Variants in CUX1 observed in about 807,000 individuals in gnomAD.
CUX1 encodes the protein protein CASP.
CUX1 carries 31 observed loss-of-function variants against 158.8 expected under a neutral mutation model. The observed-to-expected ratio is 0.20, with a 90% confidence interval of 0.15 to 0.26. CUX1 has a LOEUF of 0.26. CUX1 is among the 10% of genes least tolerant of loss of function. CUX1 has a pLI of 1.00. For synonymous variants in CUX1, 879 were observed against 862.1 expected, an observed-to-expected ratio of 1.02 and a Z score of -0.34; for missense variants, 1,589 against 2,014.6, an observed-to-expected ratio of 0.79 and a Z score of 4.04.
chr7:102,072,888 A>T (rs1826281119), intron 4 of CUX1, among the ~76,000 whole-genome samples: 1 of 152,164 alleles, frequency 6.6e-6, no homozygotes, highest in South Asian at 2.1e-4. Context: ...AAAAAGCATG[A>T]CCTGGGCTTT....
chr7:101,887,427 C>T (rs1800342697), intron 1 of CUX1, among the ~76,000 whole-genome samples: 1 of 152,066 alleles, frequency 6.6e-6, no homozygotes, highest in African/African-American at 2.4e-5. Context: ...CTACCTCAGC[C>T]TCCTGAGTAG....
At chr7:102,130,479 G>A (rs916511300) in intron 8 of CUX1, among the ~76,000 whole-genome samples, 27 of 151,832 alleles carry the variant, frequency 1.8e-4, no homozygotes, top group Admixed American at 1.0e-3. Flanking sequence ...TCAGGAGTTC[G>A]AGACCAGTCT....
intron 2 of CUX1, among the ~76,000 whole-genome samples, chr7:101,950,982 C>T (rs1231940146): frequency 6.6e-6 from 1 of 152,146 alleles, no homozygotes; most frequent in Admixed American, 6.6e-5. Flanking sequence ...TGTATATCTG[C>T]CCCCTGGAGG....
chr7:101,896,108 A>G (rs1801490351), intron 1 of CUX1, among the ~76,000 whole-genome samples: 1 of 151,858 alleles, frequency 6.6e-6, no homozygotes, highest in Admixed American at 6.6e-5. Flanking sequence ...TATGTTGCCC[A>G]GGCTGTTCTC....
intron 1 of CUX1, among the ~76,000 whole-genome samples, chr7:101,850,547 A>G (rs1319401611): frequency 6.7e-6 from 1 of 150,372 alleles, no homozygotes; most frequent in African/African-American, 2.5e-5. Flanking sequence ...TGCCCGGCTA[A>G]TTGTTGTATT....
intron 1 of CUX1, among the ~76,000 whole-genome samples, chr7:101,886,282 C>G (rs1225972049): frequency 1.3e-5 from 2 of 152,146 alleles, no homozygotes; most frequent in Non-Finnish European, 2.9e-5. Context: ...CAACCTCTGT[C>G]TCCTGGGCTC....
At chr7:102,112,105 A>AT in intron 7 of CUX1, 2 of 167,500 alleles carry the variant, frequency 1.2e-5, no homozygotes, top group Non-Finnish European at 2.5e-5. Context: ...GAACAATAAT[A>AT]GAAAAAAAAA....
At chr7:102,139,244 TAAAAAAAAAAAA>T (rs11459794) in intron 8 of CUX1, among the ~76,000 whole-genome samples, 1 of 93,172 alleles carries the variant, frequency 1.1e-5, no homozygotes, top group Non-Finnish European at 2.0e-5. Flanking sequence ...GACTACATCT[TAAAAAAAAAAAA>T]AAAAAAAAAA....
intron 1 of CUX1, among the ~76,000 whole-genome samples, chr7:101,825,794 TGTGTGCGCGC>T (rs1489669817): frequency 0.014 from 1,294 of 95,290 alleles, 14 homozygotes; most frequent in African/African-American, 0.051. Flanking sequence ...TGTGTGTGTG[TGTGTGCGCGC>T]GCGCGCGCAG....
At position 102,067,229 on chromosome 7, in the gene CUX1, C is replaced by T. The variant is rs1434038410; in HGVS notation, c.190-3110C>T. On this transcript the variant is annotated intron_variant, in intron 3 of 23. Coordinates refer to ENST00000292535, the MANE Select transcript of CUX1 (RefSeq NM_181552.4). The stretch of plus-strand genomic sequence containing the variant: ...GCCTGTGTGTCTGCATTTCATGTAA[C>T]TTTTTTTTTTTTTTTTTTTTTTGAG... Among the ~76,000 whole-genome samples, 6 of 94,032 alleles carry T rather than the reference C, an allele frequency of 6.4e-5. No individual in the cohort carries two copies. In the East Asian group the frequency reaches 1.4e-3, roughly 21 times the overall value. 61.7% of individuals were successfully genotyped at this position (94,032 alleles called of 152,430 possible). A position where few individuals can be genotyped will look rare whatever the true frequency, so the allele number is the denominator to read the frequency against.
At chr7:101,817,073 C>A (rs551520727), upstream of CUX1, 4 of 984,498 alleles carry the variant, frequency 4.1e-6, no homozygotes, top group Admixed American at 1.2e-4. The surrounding 1 kb of genome is among the most constrained non-coding windows in gnomAD (Gnocchi z 4.1). Context: ...TGGCGAGGGG[C>A]GGCGGGGGTG....
At position 102,196,702 on chromosome 7, in the gene CUX1, C is replaced by A; in HGVS notation, c.1291C>A (p.Pro431Thr). ...CCCGGGATCTTTGCCGGCCCCCCCT[C>A]CTTCTCAGTTGCCCCGCAACCCGGG... ...RRPGSLPAPP[P>T]SQLPRNPGEQ... Residue 431 changes from proline (P) to threonine (T), a missense_variant, in exon 15 of 24, where the codon CCT becomes ACT. Physicochemically the swap from Pro to Thr is conservative, Grantham distance 38. Around this residue, in one of 8 missense-constraint regions of CUX1, gnomAD observed 515 missense variants for 574.4 expected, o/e 0.90. Transcript: ENST00000292535. The A allele has an allele frequency of 1.2e-6, 2 of 1,608,566 alleles. No homozygotes were observed. The highest frequency in any genetic ancestry group is 1.7e-6 in the Non-Finnish European group (2 of 1,176,474).
intron 1 of CUX1, among the ~76,000 whole-genome samples, chr7:101,891,581 G>A (rs1054282811): frequency 6.6e-6 from 1 of 152,192 alleles, no homozygotes; most frequent in African/African-American, 2.4e-5. Flanking sequence ...CCTGCATGGG[G>A]TGCTGTGGGG....
chr7:102,096,618 A>T (rs2130900506), intron 4 of CUX1, among the ~76,000 whole-genome samples: 1 of 152,216 alleles, frequency 6.6e-6, no homozygotes, highest in South Asian at 2.1e-4. Flanking sequence ...AGGTGGGAGG[A>T]TTGCTTGAGC....
In CUX1 at chr7:102,248,663, C is replaced by A. The variant is rs1554538002; in HGVS notation, c.4139C>A (p.Thr1380Asn). 64 of 1,338,874 alleles carry A rather than the reference C, an allele frequency of 4.8e-5. No individual in the cohort carries two copies. The highest frequency in any genetic ancestry group is 5.8e-5 in the Non-Finnish European group (61 of 1,046,074). The allele number at this position is 1,338,874 out of a possible 1,614,324, so 82.9% of individuals were successfully genotyped here. A position where few individuals can be genotyped will look rare whatever the true frequency, so the allele number is the denominator to read the frequency against. Residue 1380 changes from threonine (T) to asparagine (N), a missense_variant, in exon 24 of 24, where the codon ACC (threonine) becomes AAC (asparagine). Physicochemically the swap from Thr to Asn is moderately conservative, Grantham distance 65. This residue lies in a region of CUX1 where 344 missense variants were observed against 323.7 expected (regional missense o/e 1.06). Coordinates refer to ENST00000292535, the MANE Select transcript of CUX1 (RefSeq NM_181552.4). The surrounding 1 kb of genome is among the most constrained non-coding windows in gnomAD (Gnocchi z 5.8). ...AEQTEPPPSG[T>N]PGPDDARDDD... ...CAGACGGAGCCGCCGCCCTCGGGGA[C>A]CCCGGGCCCGGACGACGCCCGCGAC... is the stretch of plus-strand genomic sequence containing the variant.
intron 8 of CUX1, among the ~76,000 whole-genome samples, chr7:102,156,337 G>A (rs1789760627): frequency 1.3e-5 from 2 of 152,138 alleles, no homozygotes; most frequent in Non-Finnish European, 2.9e-5. Context: ...CTGGCTCCTG[G>A]CGAGGGCTTC....
chr7:102,253,542 C>T lies in CUX1; in HGVS notation c.*4500C>T, dbSNP rs1745557796. ...GTGATCAATGAACTCTGTTGACATT[C>T]TATGCAATGTTTTTCATTCCTCTGA... On this transcript the variant is annotated 3_prime_UTR_variant, in exon 24 of 24. Coordinates refer to ENST00000292535, the MANE Select transcript of CUX1 (RefSeq NM_181552.4). 2 of 985,344 alleles carry T rather than the reference C, an allele frequency of 2.0e-6. No homozygotes were observed. The highest frequency in any genetic ancestry group is 6.1e-5 in the Admixed American group (1 of 16,266). 61.0% of individuals were successfully genotyped at this position (985,344 alleles called of 1,614,324 possible).
chr7:102,201,897 G>GCAGTCA lies in CUX1; in HGVS notation c.2601_2606dup (p.Ser868_Gln869insHisSer), dbSNP rs1428054252. On this transcript the variant is annotated inframe_insertion, in exon 18 of 24. Transcript: ENST00000292535. This position sits in a 1 kb window ranked among gnomAD's most constrained non-coding sequence, Gnocchi z 5.0. ...GGTGGCAGCCAGCCTCGGGCCGAGC[G>GCAGTCA]CAGTCAGCTCCAGGGACCCTCGTCG... 6.2e-7 allele frequency: 1 copy of GCAGTCA among 1,613,696 alleles called. No individual in the cohort carries two copies. Among genetic ancestry groups the GCAGTCA allele is most frequent in the African/African-American group, 1.3e-5 (1 of 74,914 alleles).
intron 10 of CUX1, among the ~76,000 whole-genome samples, chr7:102,171,167 G>A (rs1002945336): frequency 1.2e-4 from 19 of 152,094 alleles, no homozygotes; most frequent in Non-Finnish European, 2.6e-4. Flanking sequence ...TTTCAATGCT[G>A]TATAGGGACA....
Sources: gnomAD v4.1 joint callset for allele counts (sites outside exome capture counted in the v4.1 genomes callset) on GRCh38, gnomAD v4.1.1 for gene constraint, gnomAD v4.1.1 regional missense constraint, Gnocchi (gnomAD v3.1) non-coding constraint, MANE v1.5 for transcripts, NCBI Gene and HGNC (gene_info 2026-07-23, HGNC 2026-07-21) for gene names.